The following TMEM132D variants were observed in gnomAD, a reference collection of about 807,000 sequenced individuals.
The protein encoded by TMEM132D is mature OL transmembrane protein.
Under a neutral mutation model 62.3 loss-of-function variants are expected in TMEM132D, and 21 were observed. The observed-to-expected ratio is 0.34, with a 90% confidence interval of 0.24 to 0.49. The LOEUF (loss-of-function observed/expected upper bound fraction) is 0.49. Among genes scored for constraint, TMEM132D ranks in the 20% least tolerant of loss-of-function variants. TMEM132D has a pLI of 0.99. For missense variants in TMEM132D, 1,346 were observed against 1,402.8 expected, an observed-to-expected ratio of 0.96 and a Z score of 0.65; for synonymous variants, 621 against 575.6, an observed-to-expected ratio of 1.08 and a Z score of -1.13.
At chr12:129,499,263 C>T (rs1177809023) in intron 3 of TMEM132D, among the ~76,000 whole-genome samples, 1 of 152,082 alleles carries the variant, frequency 6.6e-6, no homozygotes, top group Non-Finnish European at 1.5e-5. Flanking sequence ...TGAAGGTTCA[C>T]GTGGTCTTTG....
chr12:129,600,292 A>T (rs1878451411), intron 2 of TMEM132D, among the ~76,000 whole-genome samples: 1 of 152,214 alleles, frequency 6.6e-6, no homozygotes, highest in African/African-American at 2.4e-5. Flanking sequence ...GCTTGCAGCC[A>T]TTCAGTCACC....
intron 2 of TMEM132D, among the ~76,000 whole-genome samples, chr12:129,561,871 C>T (rs1037358582): frequency 1.4e-4 from 21 of 152,138 alleles, no homozygotes; most frequent in African/African-American, 5.1e-4. Context: ...TAAGGCTCAG[C>T]TTATGAATTG....
intron 2 of TMEM132D, among the ~76,000 whole-genome samples, chr12:129,567,654 A>G (rs1877404766): frequency 1.3e-5 from 2 of 152,324 alleles, no homozygotes; most frequent in South Asian, 2.1e-4. Context: ...CACCTTTCAC[A>G]GTGATTTTCT....
intron 3 of TMEM132D, among the ~76,000 whole-genome samples, chr12:129,473,326 T>TTG (rs1221158009): frequency 1.6e-5 from 2 of 127,916 alleles, no homozygotes; most frequent in Admixed American, 1.5e-4. Flanking sequence ...TAGTTTTTGT[T>TTG]TTTTTTTTTT....
At chr12:129,271,624 T>C (rs1356496994) in intron 4 of TMEM132D, among the ~76,000 whole-genome samples, 1 of 151,628 alleles carries the variant, frequency 6.6e-6, no homozygotes, top group Non-Finnish European at 1.5e-5. Context: ...TGTGTTCTCA[T>C]TGTTCAACTC....
At chr12:129,592,657 T>G (rs1878226583) in intron 2 of TMEM132D, among the ~76,000 whole-genome samples, 1 of 152,234 alleles carries the variant, frequency 6.6e-6, no homozygotes, top group African/African-American at 2.4e-5. Context: ...TTCAAAAGAA[T>G]GAGCCAGCTC....
chr12:129,427,805 C>T (rs143987712), intron 3 of TMEM132D, among the ~76,000 whole-genome samples: 2 of 151,766 alleles, frequency 1.3e-5, no homozygotes, highest in Admixed American at 6.6e-5. Flanking sequence ...CTTAGGGTAC[C>T]GCAATGCAAT....
intron 3 of TMEM132D, among the ~76,000 whole-genome samples, chr12:129,356,128 T>C (rs1302120966): frequency 1.3e-5 from 2 of 151,696 alleles, no homozygotes; most frequent in Non-Finnish European, 2.9e-5. Context: ...CACAGTCTGC[T>C]TCTAGAGAAA....
chr12:129,148,060 T>A (rs1456639053), intron 5 of TMEM132D, among the ~76,000 whole-genome samples: 1 of 152,152 alleles, frequency 6.6e-6, no homozygotes, highest in Non-Finnish European at 1.5e-5. Flanking sequence ...CACCTACATC[T>A]CCAGGCTACC....
intron 4 of TMEM132D, among the ~76,000 whole-genome samples, chr12:129,246,534 T>A (rs1880118776): frequency 6.6e-6 from 1 of 152,124 alleles, no homozygotes; most frequent in African/African-American, 2.4e-5. Flanking sequence ...GGCAGGTGGA[T>A]CACTTGAGGT....
At chr12:129,770,731 G>A (rs1870717862) in intron 1 of TMEM132D, among the ~76,000 whole-genome samples, 1 of 152,058 alleles carries the variant, frequency 6.6e-6, no homozygotes, top group Non-Finnish European at 1.5e-5. Flanking sequence ...TCCTACAGGT[G>A]GGCAAAATCA....
chr12:129,083,915 C>G (rs1936172740), intron 6 of TMEM132D, among the ~76,000 whole-genome samples: 1 of 152,124 alleles, frequency 6.6e-6, no homozygotes, highest in African/African-American at 2.4e-5. Context: ...GGTAATGTAC[C>G]AGACACTCAG....
chr12:129,581,710 G>C (rs934311778), intron 2 of TMEM132D, among the ~76,000 whole-genome samples: 1 of 152,166 alleles, frequency 6.6e-6, no homozygotes, highest in Non-Finnish European at 1.5e-5. Flanking sequence ...GTGTCACCCA[G>C]ACTGAGCGTG....
At chr12:129,214,901 G>A (rs965134349) in intron 4 of TMEM132D, among the ~76,000 whole-genome samples, 1 of 152,190 alleles carries the variant, frequency 6.6e-6, no homozygotes, top group African/African-American at 2.4e-5. Context: ...AGACGGTGTG[G>A]TGATTCCTTA....
chr12:129,274,874 G>C (rs1393843610), intron 4 of TMEM132D, among the ~76,000 whole-genome samples: 1 of 151,944 alleles, frequency 6.6e-6, no homozygotes, highest in Non-Finnish European at 1.5e-5. Flanking sequence ...GCGACAGAGC[G>C]AGACTCCGTC....
intron 2 of TMEM132D, among the ~76,000 whole-genome samples, chr12:129,580,129 A>G (rs1877801496): frequency 6.6e-6 from 1 of 152,184 alleles, no homozygotes; most frequent in Admixed American, 6.5e-5. Flanking sequence ...AGGGAGGTTT[A>G]TCTCTTGGCT....
At chr12:129,798,080 C>T (rs1477378815) in intron 1 of TMEM132D, among the ~76,000 whole-genome samples, 2 of 152,166 alleles carry the variant, frequency 1.3e-5, no homozygotes, top group Non-Finnish European at 2.9e-5. Flanking sequence ...CTCTCGATTG[C>T]ACTCTTGCCA....
chr12:129,285,029 T>A (rs1426106001), intron 4 of TMEM132D, among the ~76,000 whole-genome samples: 1 of 152,226 alleles, frequency 6.6e-6, no homozygotes, highest in African/African-American at 2.4e-5. Context: ...CACTGAATTG[T>A]TCTCTTCAAT....
At chr12:129,731,929 T>G (rs1337166195) in intron 1 of TMEM132D, among the ~76,000 whole-genome samples, 1 of 152,228 alleles carries the variant, frequency 6.6e-6, no homozygotes, top group African/African-American at 2.4e-5. Context: ...CCCAAAGTGC[T>G]GGGATTACAG....
Sources: allele counts gnomAD v4.1 joint callset (sites outside exome capture counted in the v4.1 genomes callset), GRCh38; gene constraint gnomAD v4.1.1; transcripts MANE v1.5; gene names NCBI Gene and HGNC (gene_info 2026-07-23, HGNC 2026-07-21).